Variants in AGBL1 observed in about 807,000 individuals in gnomAD.
The protein encoded by AGBL1 is AGBL carboxypeptidase 1.
A neutral mutation model predicts 118.9 loss-of-function variants in AGBL1; 130 were observed. The observed-to-expected ratio is 1.09, with a 90% CI of 0.95 to 1.26. The LOEUF (loss-of-function observed/expected upper bound fraction) is 1.26, where lower values mean the gene tolerates loss of function less well. AGBL1 is among the 50% of genes most tolerant of loss of function. The pLI is 0.00. For missense variants in AGBL1, 1,584 were observed against 1,298.1 expected (o/e 1.22, Z -3.38); for synonymous variants, 555 against 478.9 (o/e 1.16, Z -2.08).
chr15:86,777,552 A>C (rs1346922064), intron 22 of AGBL1, among the ~76,000 whole-genome samples: 1 of 152,040 alleles, frequency 6.6e-6, no homozygotes, highest in African/African-American at 2.4e-5. Flanking sequence ...ACCACATTCA[A>C]TTTGCAGATT....
At chr15:86,146,265 AC>A (rs1384763467) in intron 3 of AGBL1, among the ~76,000 whole-genome samples, 2 of 152,338 alleles carry the variant, frequency 1.3e-5, no homozygotes, top group African/African-American at 2.4e-5. Flanking sequence ...ACATGTACAA[AC>A]TTTTTTCTTG....
intron 17 of AGBL1, among the ~76,000 whole-genome samples, chr15:86,318,617 G>T (rs990054327): frequency 6.7e-6 from 1 of 150,174 alleles, no homozygotes; most frequent in African/African-American, 2.4e-5. Flanking sequence ...CAGCAATAGA[G>T]AATAGAGAAT....
intron 21 of AGBL1, among the ~76,000 whole-genome samples, chr15:86,639,776 G>GT (rs1160017829): frequency 6.6e-6 from 1 of 152,162 alleles, no homozygotes; most frequent in Non-Finnish European, 1.5e-5. Context: ...GGAAAAGCAA[G>GT]TTCTCCTTAG....
At chr15:86,769,908 T>G (rs922150926) in intron 22 of AGBL1, among the ~76,000 whole-genome samples, 1 of 151,970 alleles carries the variant, frequency 6.6e-6, no homozygotes, top group African/African-American at 2.4e-5. Context: ...TAAAGATGAC[T>G]GGGTTCTAGT....
At chr15:86,680,110 A>G (rs185409148) in intron 22 of AGBL1, among the ~76,000 whole-genome samples, 7 of 152,214 alleles carry the variant, frequency 4.6e-5, no homozygotes, top group Admixed American at 3.9e-4. Flanking sequence ...CAAAAATATT[A>G]TTTTTCCAAT....
intron 22 of AGBL1, among the ~76,000 whole-genome samples, chr15:86,733,366 G>A (rs1196166065): frequency 6.6e-6 from 1 of 152,074 alleles, no homozygotes; most frequent in East Asian, 1.9e-4. Context: ...GCCAACCACT[G>A]TGAAGATGAG....
At chr15:86,776,750 A>ACATG (rs1555448974) in intron 22 of AGBL1, among the ~76,000 whole-genome samples, 2 of 139,640 alleles carry the variant, frequency 1.4e-5, no homozygotes, top group East Asian at 4.3e-4. Flanking sequence ...ATATATATAT[A>ACATG]TGTGTGTGTG....
intron 22 of AGBL1, among the ~76,000 whole-genome samples, chr15:86,873,918 A>T (rs2079766279): frequency 6.6e-6 from 1 of 152,218 alleles, no homozygotes; most frequent in East Asian, 1.9e-4. Flanking sequence ...AGTAGTAGTT[A>T]TAATAGAAAG....
intron 21 of AGBL1, among the ~76,000 whole-genome samples, chr15:86,591,320 G>T (rs1482803917): frequency 6.6e-6 from 1 of 152,144 alleles, no homozygotes; most frequent in African/African-American, 2.4e-5. Context: ...ACACCTGCTG[G>T]ATGTCCTCTA....
At chr15:86,115,540 G>A (rs1377228818) in intron 1 of AGBL1, among the ~76,000 whole-genome samples, 3 of 152,114 alleles carry the variant, frequency 2.0e-5, no homozygotes, top group East Asian at 3.9e-4. Context: ...TGTAAAGGCC[G>A]GAGGTAGTGA....
chr15:86,827,983 C>T (rs978560770), intron 22 of AGBL1, among the ~76,000 whole-genome samples: 9 of 51,118 alleles, frequency 1.8e-4, no homozygotes, highest in Admixed American at 7.3e-4. Context: ...TTTTGTCACC[C>T]GGGCTGGAGT....
intron 22 of AGBL1, among the ~76,000 whole-genome samples, chr15:86,768,948 G>T (rs1018201654): frequency 6.6e-6 from 1 of 151,946 alleles, no homozygotes; most frequent in Non-Finnish European, 1.5e-5. Context: ...ACTGTAAAGG[G>T]TGTGAGGTTT....
intron 23 of AGBL1, among the ~76,000 whole-genome samples, chr15:86,929,385 C>T (rs1171941498): frequency 1.3e-5 from 2 of 152,172 alleles, no homozygotes; most frequent in Non-Finnish European, 2.9e-5. Context: ...CTTTCCTCAA[C>T]CTCTGGACAA....
At chr15:86,572,559 G>A (rs973152308) in intron 21 of AGBL1, among the ~76,000 whole-genome samples, 1 of 152,308 alleles carries the variant, frequency 6.6e-6, no homozygotes, top group Non-Finnish European at 1.5e-5. Context: ...CACCGTTCCC[G>A]CAGTGGTGGT....
chr15:86,576,368 A>C (rs141898639), intron 21 of AGBL1, among the ~76,000 whole-genome samples: 14 of 152,300 alleles, frequency 9.2e-5, no homozygotes, highest in Non-Finnish European at 1.9e-4. Flanking sequence ...CAGCACAGGC[A>C]CTGTCACTGA....
chr15:86,387,248 GA>G (rs2081211379), intron 17 of AGBL1, among the ~76,000 whole-genome samples: 8 of 152,168 alleles, frequency 5.3e-5, no homozygotes, highest in Admixed American at 5.2e-4. Context: ...AAGTGAGGAT[GA>G]ACAGGAAAGG....
rs140843186 is a variant in AGBL1 at position 86,476,186 on chromosome 15, A to C, written c.2556-46624A>C. Among the ~76,000 whole-genome samples, 1,045 of 152,364 alleles carry C rather than the reference A, an allele frequency of 6.9e-3. 9 individuals are homozygous for C. The highest frequency in any genetic ancestry group is 0.036 in the South Asian group (174 of 4,828). ...AACTGCATCAACTAATGAGCAAAAT[A>C]ACCAGCTAACATCATAATGACAGGA... is the stretch of plus-strand genomic sequence containing the variant. On this transcript the variant is annotated intron_variant, in intron 18 of 22. Coordinates refer to ENST00000614907, the MANE Select transcript of AGBL1 (RefSeq NM_001386094.1).
chr15:86,555,635 AAAG>A (rs1026953200), intron 21 of AGBL1, among the ~76,000 whole-genome samples: 1 of 152,228 alleles, frequency 6.6e-6, no homozygotes, highest in African/African-American at 2.4e-5. Context: ...CATTAATGTA[AAAG>A]AAGAATAAGA....
intron 4 of AGBL1, among the ~76,000 whole-genome samples, chr15:86,157,490 A>C (rs937845804): frequency 6.6e-6 from 1 of 152,164 alleles, no homozygotes; most frequent in Non-Finnish European, 1.5e-5. Flanking sequence ...AAATTCCTTC[A>C]GCTGAGTTCT....
Sources: gnomAD v4.1 joint callset for allele counts (sites outside exome capture counted in the v4.1 genomes callset) on GRCh38, gnomAD v4.1.1 for gene constraint, MANE v1.5 for transcripts, NCBI Gene and HGNC (gene_info 2026-07-23, HGNC 2026-07-21) for gene names.